Variants in SLC8A1 observed in about 807,000 individuals in gnomAD.
The protein encoded by SLC8A1 is sodium/calcium exchanger 1.
In SLC8A1, 18 loss-of-function variants were observed where a neutral mutation model predicts 68.3. The ratio of observed to expected loss-of-function variants is 0.26; its 90% CI spans 0.18 to 0.39. SLC8A1 has a LOEUF of 0.39. SLC8A1 is among the 10% of genes least tolerant of loss of function. SLC8A1 has a pLI of 1.00. For missense variants in SLC8A1, 985 were observed against 1,156.7 expected (o/e 0.85, Z 2.15); for synonymous variants, 475 against 415.5 (o/e 1.14, Z -1.74).
At chr2:40,207,584 C>T (rs905058517) in intron 2 of SLC8A1, among the ~76,000 whole-genome samples, 1 of 151,872 alleles carries the variant, frequency 6.6e-6, no homozygotes, top group African/African-American at 2.4e-5. Flanking sequence ...AAATGCTACA[C>T]AAAATATATT....
intron 2 of SLC8A1, among the ~76,000 whole-genome samples, chr2:40,294,799 T>C (rs2070027296): frequency 6.6e-6 from 1 of 152,144 alleles, no homozygotes; most frequent in Middle Eastern, 3.2e-3. Flanking sequence ...ACTAAAAAGG[T>C]ATAGCGCTTA....
exon 2 of SLC8A1, chr2:40,429,249 T>C: frequency 6.2e-7 from 1 of 1,613,764 alleles, no homozygotes; most frequent in Admixed American, 1.7e-5. Flanking sequence ...ATTCTATTAA[T>C]TGCTCTATTT....
intron 2 of SLC8A1, among the ~76,000 whole-genome samples, chr2:40,224,898 C>G (rs1229931432): frequency 6.6e-6 from 1 of 152,064 alleles, no homozygotes; most frequent in East Asian, 1.9e-4. Flanking sequence ...AACTTATTAC[C>G]AGGCTTGAGA....
intron 7 of SLC8A1, among the ~76,000 whole-genome samples, chr2:40,128,740 C>T (rs1393494682): frequency 1.3e-5 from 2 of 152,028 alleles, no homozygotes; most frequent in South Asian, 2.1e-4. Context: ...GTGGACAAAT[C>T]CATATATACA....
chr2:40,386,796 C>A (rs1350179707), intron 2 of SLC8A1, among the ~76,000 whole-genome samples: 2 of 150,904 alleles, frequency 1.3e-5, no homozygotes, highest in African/African-American at 2.5e-5. Context: ...GGCCAGTTTT[C>A]TTCTTTTGTG....
intron 2 of SLC8A1, among the ~76,000 whole-genome samples, chr2:40,377,234 T>G (rs1285775908): frequency 6.6e-6 from 1 of 152,014 alleles, no homozygotes; most frequent in East Asian, 1.9e-4. Context: ...CCAGTTGGCT[T>G]TGAATAAGCA....
chr2:40,186,626 G>A (rs2050752034), intron 2 of SLC8A1, among the ~76,000 whole-genome samples: 1 of 152,094 alleles, frequency 6.6e-6, no homozygotes, highest in African/African-American at 2.4e-5. Flanking sequence ...CATAAAAACA[G>A]GACTGAATCA....
intron 2 of SLC8A1, among the ~76,000 whole-genome samples, chr2:40,291,578 C>T (rs1282030961): frequency 6.6e-6 from 1 of 151,974 alleles, no homozygotes; most frequent in Non-Finnish European, 1.5e-5. Context: ...AGGAGTGGAC[C>T]TCTATAAATG....
chr2:40,352,089 C>T (rs1442352134), intron 2 of SLC8A1, among the ~76,000 whole-genome samples: 1 of 152,086 alleles, frequency 6.6e-6, no homozygotes, highest in South Asian at 2.1e-4. Context: ...TTGTAACAAG[C>T]TATTTCCTAT....
chr2:40,305,582 G>A (rs921004514), intron 2 of SLC8A1, among the ~76,000 whole-genome samples: 3 of 152,160 alleles, frequency 2.0e-5, no homozygotes, highest in Admixed American at 6.5e-5. Context: ...ATAAGCATTT[G>A]ACACAGTGTG....
At chr2:40,484,652 A>G (rs1166504491) in intron 1 of SLC8A1, among the ~76,000 whole-genome samples, 1 of 152,190 alleles carries the variant, frequency 6.6e-6, no homozygotes, top group Non-Finnish European at 1.5e-5. Context: ...GAAACGTTAA[A>G]CGTGAGGGTT....
chr2:40,237,336 T>C (rs2060533813), intron 2 of SLC8A1, among the ~76,000 whole-genome samples: 1 of 152,210 alleles, frequency 6.6e-6, no homozygotes, highest in African/African-American at 2.4e-5. Flanking sequence ...ACTTCCCTTC[T>C]CACTTCATTT....
chr2:40,314,995 T>A (rs2074246282), intron 2 of SLC8A1, among the ~76,000 whole-genome samples: 1 of 152,024 alleles, frequency 6.6e-6, no homozygotes, highest in African/African-American at 2.4e-5. Flanking sequence ...TCTTGCTTTA[T>A]TGCACTGGCT....
At chr2:40,428,733 A>G in exon 2 of SLC8A1, 1 of 1,613,908 alleles carries the variant, frequency 6.2e-7, no homozygotes. Flanking sequence ...AAGCAAGTGT[A>G]GAAACATGAT....
At chr2:40,196,448 G>C (rs544477615) in intron 2 of SLC8A1, among the ~76,000 whole-genome samples, 1 of 152,102 alleles carries the variant, frequency 6.6e-6, no homozygotes, top group African/African-American at 2.4e-5. Flanking sequence ...CATAATATTA[G>C]ACCAGTGGGT....
intron 2 of SLC8A1, among the ~76,000 whole-genome samples, chr2:40,342,447 A>G (rs1026926508): frequency 6.6e-6 from 1 of 152,108 alleles, no homozygotes; most frequent in African/African-American, 2.4e-5. Flanking sequence ...TTAGAGTGGG[A>G]TTTGTTAGAT....
chr2:40,127,398 A>G (rs2038357923), intron 7 of SLC8A1, among the ~76,000 whole-genome samples: 1 of 152,164 alleles, frequency 6.6e-6, no homozygotes, highest in Non-Finnish European at 1.5e-5. Context: ...GTTCCCCTTG[A>G]GCAACCAGAA....
intron 2 of SLC8A1, among the ~76,000 whole-genome samples, chr2:40,270,827 C>T (rs1268962299): frequency 6.6e-6 from 1 of 152,118 alleles, no homozygotes; most frequent in African/African-American, 2.4e-5. Context: ...TTTCCAGAGA[C>T]TGAAAAGATC....
At chr2:40,449,588 T>G (rs552558375) in intron 1 of SLC8A1, among the ~76,000 whole-genome samples, 1 of 152,326 alleles carries the variant, frequency 6.6e-6, no homozygotes, top group African/African-American at 2.4e-5. Flanking sequence ...GCACTGTTAC[T>G]CCCATGCTCT....
Sources: allele counts gnomAD v4.1 joint callset (sites outside exome capture counted in the v4.1 genomes callset), GRCh38; gene constraint gnomAD v4.1.1; transcripts MANE v1.5; gene names NCBI Gene and HGNC (gene_info 2026-07-23, HGNC 2026-07-21).